Variants in CHL1 observed in about 807,000 individuals in gnomAD.
CHL1 encodes neural cell adhesion molecule L1-like protein.
A neutral mutation model predicts 141.9 loss-of-function variants in CHL1; 96 were observed. The ratio of observed to expected loss-of-function variants is 0.68; its 90% CI spans 0.57 to 0.80. The LOEUF (loss-of-function observed/expected upper bound fraction) is 0.80. Ranked by LOEUF, CHL1 falls within the 30% of genes least tolerant of loss-of-function variation. The pLI is 0.00. For missense variants in CHL1, 1,820 were observed against 1,457.2 expected (o/e 1.25, Z -4.05); for synonymous variants, 613 against 502.2 (o/e 1.22, Z -2.95).
Position 328,272 on chromosome 3 carries a change from T to G in CHL1, c.303T>G (p.Ser101=). The change falls in exon 5 of 28, where the codon TCT becomes TCG. Residue 101 remains serine, a synonymous_variant. Transcript: ENST00000256509. ...GGATCCCAAACGAGGGGCACATATC[T>G]CACTTTCAAGGGAAATACCGCTGCT... is the stretch of plus-strand genomic sequence containing the variant. ...TFRIPNEGHI[S]HFQGKYRCFA... 1 of 1,612,716 alleles carries G rather than the reference T, an allele frequency of 6.2e-7. No homozygotes were observed. Among genetic ancestry groups the G allele is most frequent in the Non-Finnish European group, 8.5e-7 (1 of 1,179,116 alleles).
intron 15 of CHL1, among the ~76,000 whole-genome samples, chr3:368,373 T>C (rs138402463): frequency 0.02 from 3,034 of 152,300 alleles, 45 homozygotes; most frequent in Middle Eastern, 0.054. Context: ...TTTTCATATG[T>C]TTGTTGGCCA....
At chr3:250,577 C>T (rs1015609549) in intron 2 of CHL1, among the ~76,000 whole-genome samples, 2 of 152,066 alleles carry the variant, frequency 1.3e-5, no homozygotes, top group African/African-American at 4.8e-5. Flanking sequence ...GGAAGACCCT[C>T]ACAAAAGGAA....
intron 2 of CHL1, among the ~76,000 whole-genome samples, chr3:261,686 ATGAG>A (rs1411360831): frequency 3.3e-5 from 5 of 152,138 alleles, no homozygotes; most frequent in Non-Finnish European, 5.9e-5. Context: ...CAAAGATAGA[ATGAG>A]TATTTAGAAA....
Position 361,962 on chromosome 3 carries a change from G to A in CHL1, c.1418+152G>A, listed in dbSNP as rs977762498. Reference sequence around the variant, plus strand: ...TAAGGTAACAAACTTACCGGTCCAGGAAATTAGCTCTACTGAAAGCATTGG... The same window carrying A: ...TAAGGTAACAAACTTACCGGTCCAGAAAATTAGCTCTACTGAAAGCATTGG... On this transcript the variant is annotated intron_variant, in intron 13 of 27. Transcript: ENST00000256509. 4 of 574,306 alleles carry A rather than the reference G, an allele frequency of 7.0e-6. No individual in the cohort carries two copies. In the African/African-American group the frequency reaches 7.4e-5, roughly 11 times the overall value. 35.6% of individuals were successfully genotyped at this position (574,306 alleles called of 1,614,324 possible).
At position 367,103 on chromosome 3, in the gene CHL1, C is replaced by A. The variant is rs543788865; in HGVS notation, c.1751+988C>A. ...GAAAGTGTGAATGGATGCTTAATAG[C>A]ACTAGATGATATTAAGTACATCAAA... On this transcript the variant is annotated intron_variant, in intron 15 of 27. Coordinates refer to ENST00000256509, the MANE Select transcript of CHL1 (RefSeq NM_006614.4). Among the ~76,000 whole-genome samples, 6 of 152,308 alleles carry A rather than the reference C, an allele frequency of 3.9e-5. No homozygotes were observed. In the South Asian group the frequency reaches 1.2e-3, roughly 32 times the overall value.
chr3:210,815 C>T (rs1699844503), intron 1 of CHL1, among the ~76,000 whole-genome samples: 1 of 152,190 alleles, frequency 6.6e-6, no homozygotes, highest in Non-Finnish European at 1.5e-5. Flanking sequence ...CCTCCCGACA[C>T]TTCCTAGAGA....
At chr3:404,786 A>T (rs1167699356) in intron 27 of CHL1, among the ~76,000 whole-genome samples, 1 of 152,224 alleles carries the variant, frequency 6.6e-6, no homozygotes, top group African/African-American at 2.4e-5. Flanking sequence ...AGTTCATGAC[A>T]GCAAGGGAAA....
Position 301,663 on chromosome 3 carries a change from G to T in CHL1, c.-94-18020G>T, listed in dbSNP as rs138502066. Among the ~76,000 whole-genome samples the T allele has an allele frequency of 1.2e-4, 19 of 152,280 alleles. No individual in the cohort carries two copies. The East Asian group carries it at 3.5e-3, about 28-fold the overall frequency. The stretch of plus-strand genomic sequence containing the variant: ...TGAAAATCACTACTTCTAAAGAGAT[G>T]CGGCATTGCCATATAGTAGTTACAT... On this transcript the variant is annotated intron_variant, in intron 2 of 27. Coordinates refer to ENST00000256509, the MANE Select transcript of CHL1 (RefSeq NM_006614.4).
At chr3:382,032 C>T in intron 16 of CHL1, 147 bp from the exon 17 acceptor site, 1 of 494,376 alleles carries the variant, frequency 2.0e-6, no homozygotes, top group Non-Finnish European at 3.6e-6. Context: ...CTTTCCCTTC[C>T]ATATGTGGGG....
intron 1 of CHL1, among the ~76,000 whole-genome samples, chr3:227,918 C>T (rs1333719726): frequency 4.6e-5 from 7 of 152,196 alleles, no homozygotes; most frequent in Admixed American, 1.3e-4. Flanking sequence ...TAACAGCACT[C>T]GTCTTTTTCC....
At chr3:363,964 A>G (rs934860928) in intron 14 of CHL1, 1 of 152,238 alleles carries the variant, frequency 6.6e-6, no homozygotes, top group African/African-American at 2.4e-5. Context: ...TTCGGTATTA[A>G]TAAGGAGCAT....
intron 14 of CHL1, 88 bp downstream of exon 14, chr3:363,471 T>G (rs1010687481): frequency 1.5e-5 from 18 of 1,198,876 alleles, no homozygotes; most frequent in Non-Finnish European, 2.1e-5. Context: ...ACCATTTAAG[T>G]TGGAGTACCA....
rs56387965 is a variant in CHL1, at chr3:369,566, C to T, written c.1751+3451C>T. ...GCAAACAGACAATTTGACTTCCTCT[C>T]TTCCTATATGAATACCCTTTATTTT... On this transcript the variant is annotated intron_variant, in intron 15 of 27. Transcript: ENST00000256509. Among the ~76,000 whole-genome samples the T allele has an allele frequency of 1.5e-3, 227 of 152,328 alleles. 1 individual carries two copies. The highest frequency in any genetic ancestry group is 5.2e-3 in the African/African-American group (217 of 41,586).
At chr3:241,735 CTTTCTTTTTAATAT>C (rs1692586212) in intron 1 of CHL1, among the ~76,000 whole-genome samples, 3 of 151,986 alleles carry the variant, frequency 2.0e-5, no homozygotes, top group East Asian at 1.9e-4. Flanking sequence ...CCTTAAATTA[CTTTCTTTTTAATAT>C]TTTCTTTTTA....
chr3:280,415 C>G (rs1394660658), intron 2 of CHL1, among the ~76,000 whole-genome samples: 1 of 151,932 alleles, frequency 6.6e-6, no homozygotes, highest in African/African-American at 2.4e-5. Flanking sequence ...TTAATAACAG[C>G]AAACTGAAGA....
chr3:252,265 T>C (rs13317655), intron 2 of CHL1, among the ~76,000 whole-genome samples: 49,210 of 148,694 alleles, frequency 0.33, 9,744 homozygotes, highest in African/African-American at 0.55. Context: ...TCACTTAAAT[T>C]ACTATTGTTT....
rs750606043 is a variant in CHL1, at chr3:394,844, G to A, written c.3066G>A (p.Thr1022=). The change falls in exon 24 of 28, where the codon ACG becomes ACA. Residue 1022 remains threonine (T), a synonymous_variant. Transcript: ENST00000256509. ...CTSQGCGKPI[T]EESSTLGEGS... Reference sequence around the variant, plus strand: ...CACAGGGCTGTGGAAAACCGATCACGGAGGAAAGCTCCACCTTAGGAGAAG... The same window carrying A: ...CACAGGGCTGTGGAAAACCGATCACAGAGGAAAGCTCCACCTTAGGAGAAG... 29 of 1,612,848 alleles carry A rather than the reference G, an allele frequency of 1.8e-5. No homozygotes were observed. Among genetic ancestry groups the A allele is most frequent in the African/African-American group, 2.7e-5 (2 of 74,862 alleles).
chr3:352,857 C>A lies in CHL1; in HGVS notation c.1034-1783C>A, dbSNP rs143111139. Among the ~76,000 whole-genome samples, 546 of 152,272 alleles carry A rather than the reference C, an allele frequency of 3.6e-3. 1 individual carries two copies. The highest frequency in any genetic ancestry group is 0.013 in the African/African-American group (524 of 41,560). ...TATTGGGGGAGCTTGGATTTGGAAG[C>A]ATAAATTGGGCTGGCCTTCTTTCCT... On this transcript the variant is annotated intron_variant, in intron 10 of 27. Coordinates refer to ENST00000256509, the MANE Select transcript of CHL1 (RefSeq NM_006614.4).
At chr3:216,658 T>A (rs1457748292) in intron 1 of CHL1, among the ~76,000 whole-genome samples, 1 of 152,214 alleles carries the variant, frequency 6.6e-6, no homozygotes, top group Non-Finnish European at 1.5e-5. Context: ...GGCAATATAT[T>A]TGGTAGACTT....
Sources: allele counts gnomAD v4.1 joint callset (sites outside exome capture counted in the v4.1 genomes callset), GRCh38; gene constraint gnomAD v4.1.1; transcripts MANE v1.5; gene names NCBI Gene and HGNC (gene_info 2026-07-23, HGNC 2026-07-21).